DPY19L2: variants seen among roughly 807,000 people sequenced by gnomAD.
DPY19L2 encodes probable C-mannosyltransferase DPY19L2.
Under a neutral mutation model 97.9 loss-of-function variants are expected in DPY19L2, and 34 were observed. That is an observed-to-expected ratio of 0.35 (90% CI 0.26 to 0.46). The LOEUF (loss-of-function observed/expected upper bound fraction) is 0.46. DPY19L2 is among the 20% of genes least tolerant of loss of function. The pLI is 1.00. For missense variants in DPY19L2, 623 were observed against 911.4 expected, an observed-to-expected ratio of 0.68 and a Z score of 4.07; for synonymous variants, 230 against 307.9, an observed-to-expected ratio of 0.75 and a Z score of 2.65.
At chr12:63,657,050 C>A (rs1454346462) in intron 4 of DPY19L2, among the ~76,000 whole-genome samples, 1 of 152,092 alleles carries the variant, frequency 6.6e-6, no homozygotes, top group Non-Finnish European at 1.5e-5. Context: ...TCGGACTGTG[C>A]TTTTTCTTAC....
At chr12:63,664,323 T>C (rs562643189) in intron 2 of DPY19L2, among the ~76,000 whole-genome samples, 38 of 150,842 alleles carry the variant, frequency 2.5e-4, no homozygotes, top group African/African-American at 8.7e-4. Flanking sequence ...GGCGACAGAG[T>C]GAGACTCTGT....
intron 6 of DPY19L2, among the ~76,000 whole-genome samples, chr12:63,634,064 A>T (rs185819970): frequency 7.1e-4 from 102 of 144,550 alleles, no homozygotes; most frequent in African/African-American, 2.4e-3. Context: ...GGCCTATTGT[A>T]GGGTGCGGGG....
At chr12:63,640,623 T>C (rs1403382206) in intron 6 of DPY19L2, among the ~76,000 whole-genome samples, 1 of 152,142 alleles carries the variant, frequency 6.6e-6, no homozygotes, top group East Asian at 1.9e-4. Flanking sequence ...TCCAATATCC[T>C]CACAGTTTTG....
Position 63,641,542 on chromosome 12 carries a change from C to T in DPY19L2, c.803+2861G>A, listed in dbSNP as rs115977537. Among the ~76,000 whole-genome samples the T allele has an allele frequency of 4.2e-3, 642 of 152,114 alleles. 12 individuals are homozygous for T. Among genetic ancestry groups the T allele is most frequent in the African/African-American group, 0.015 (607 of 41,462 alleles). On this transcript the variant is annotated intron_variant, in intron 6 of 21. Coordinates refer to ENST00000324472, the MANE Select transcript of DPY19L2 (RefSeq NM_173812.5). ...TACTTTAATCTGTTTTTAAACAATA[C>T]AAATGGAAGTATGGAGTATTTTTTT...
intron 17 of DPY19L2, among the ~76,000 whole-genome samples, chr12:63,583,340 C>T (rs1881262376): frequency 6.6e-6 from 1 of 152,122 alleles, no homozygotes; most frequent in African/African-American, 2.4e-5. Context: ...AATTTTACAC[C>T]ATATAAAATG....
chr12:63,618,387 A>C (rs1565776968), intron 9 of DPY19L2, among the ~76,000 whole-genome samples, 159 bp from the exon 10 acceptor site: 1 of 151,836 alleles, frequency 6.6e-6, no homozygotes, highest in Non-Finnish European at 1.5e-5. Flanking sequence ...ATGGCTAGGA[A>C]AAATATAAAT....
chr12:63,580,331 T>G (rs1880645708), intron 19 of DPY19L2, among the ~76,000 whole-genome samples: 1 of 152,148 alleles, frequency 6.6e-6, no homozygotes, highest in Non-Finnish European at 1.5e-5. Context: ...ACTTCTTTGA[T>G]TTGTCATTGT....
chr12:63,566,739 CT>C (rs1226968255), intron 21 of DPY19L2, among the ~76,000 whole-genome samples: 4 of 151,930 alleles, frequency 2.6e-5, no homozygotes, highest in Admixed American at 6.6e-5. Context: ...ACAAATAAAG[CT>C]GCTATAGACA....
Position 63,620,982 on chromosome 12 carries a change from A to G in DPY19L2, c.1053+256T>C, listed in dbSNP as rs561232357. ...AACCAAACACCACATGTTCTCACTT[A>G]TAAGTGGGAGCTGAACAATGAGAAT... On this transcript the variant is annotated intron_variant, in intron 9 of 21. Transcript: ENST00000324472. 2.8e-4 allele frequency among the ~76,000 whole-genome samples: 42 copies of G among 151,994 alleles called. 1 individual carries two copies. The highest frequency in any genetic ancestry group is 8.0e-4 in the African/African-American group (33 of 41,448).
intron 11 of DPY19L2, among the ~76,000 whole-genome samples, chr12:63,613,632 G>A (rs1182226930): frequency 6.6e-6 from 1 of 151,424 alleles, no homozygotes; most frequent in Non-Finnish European, 1.5e-5. Context: ...GAAAAACTGA[G>A]AAATGAGCTG....
Position 63,661,368 on chromosome 12 carries a change from T to A in DPY19L2, c.564A>T (p.Ile188=). The A allele has an allele frequency of 6.3e-7, 1 of 1,587,678 alleles. No individual in the cohort carries two copies. The highest frequency in any genetic ancestry group is 2.3e-5 in the East Asian group (1 of 44,106). ...CCTCTGGATAAAGATGGAAGCGTTT[T>A]ATTGCATTAATTATAAGAGGATATT... ...LTEYPLIINA[I]KRFHLYPEVI... is the part of the protein sequence containing the mutation. Residue 188 remains isoleucine (I), a synonymous_variant, in exon 4 of 22, where the codon ATA becomes ATT. Transcript: ENST00000324472.
chr12:63,649,865 T>C (rs1893949146), intron 4 of DPY19L2, among the ~76,000 whole-genome samples: 1 of 152,054 alleles, frequency 6.6e-6, no homozygotes, highest in Admixed American at 6.5e-5. Context: ...AAAGCCACAA[T>C]GTAAAAAAGA....
intron 6 of DPY19L2, among the ~76,000 whole-genome samples, chr12:63,642,842 T>A (rs375006832): frequency 3.0e-4 from 46 of 152,104 alleles, no homozygotes; most frequent in African/African-American, 1.1e-3. Flanking sequence ...GAATTTTGAC[T>A]GGTAGAGCAT....
intron 6 of DPY19L2, among the ~76,000 whole-genome samples, chr12:63,640,821 A>C (rs1157148426): frequency 6.6e-6 from 1 of 152,192 alleles, no homozygotes; most frequent in Admixed American, 6.5e-5. Context: ...AACATTTTCC[A>C]TATGAAAAAA....
chr12:63,588,532 T>C (rs1219509624), intron 16 of DPY19L2, among the ~76,000 whole-genome samples: 1 of 152,080 alleles, frequency 6.6e-6, no homozygotes, highest in Non-Finnish European at 1.5e-5. Flanking sequence ...ATGTTAAGCA[T>C]TCTTACCAAA....
intron 21 of DPY19L2, among the ~76,000 whole-genome samples, chr12:63,562,376 A>AT (rs1876729551): frequency 6.6e-6 from 1 of 151,938 alleles, no homozygotes; most frequent in African/African-American, 2.4e-5. Flanking sequence ...TTAGTGAGTA[A>AT]TATTTACATT....
chr12:63,574,222 T>G (rs1879409871), intron 19 of DPY19L2, among the ~76,000 whole-genome samples: 2 of 152,230 alleles, frequency 1.3e-5, no homozygotes, highest in South Asian at 4.1e-4. Flanking sequence ...TTTGGCTTAT[T>G]TGTTTATGCA....
At chr12:63,592,621 C>T (rs1349304026) in intron 16 of DPY19L2, among the ~76,000 whole-genome samples, 4 of 148,040 alleles carry the variant, frequency 2.7e-5, no homozygotes, top group Non-Finnish European at 6.0e-5. Context: ...TTCCTTACAC[C>T]TTATACAAAA....
In DPY19L2 at chr12:63,591,493, A is replaced by G. The variant is rs1490214471; in HGVS notation, c.1580+2594T>C. The stretch of plus-strand genomic sequence containing the variant: ...AAAGTTGAACACTAAAAAACATGTC[A>G]TTTGAGATCATATTTCCCTCAGAAG... On this transcript the variant is annotated intron_variant, in intron 16 of 21. Transcript: ENST00000324472. Among the ~76,000 whole-genome samples the G allele has an allele frequency of 3.9e-5, 6 of 152,134 alleles. No homozygotes were observed. In the East Asian group the frequency reaches 1.2e-3, roughly 29 times the overall value.
Sources: allele counts gnomAD v4.1 joint callset (sites outside exome capture counted in the v4.1 genomes callset), GRCh38; gene constraint gnomAD v4.1.1; transcripts MANE v1.5; gene names NCBI Gene and HGNC (gene_info 2026-07-23, HGNC 2026-07-21).